Variants in ADARB2 observed in about 807,000 individuals in gnomAD.
ADARB2 encodes inactive double-stranded RNA-specific editase B2.
ADARB2 carries 25 observed loss-of-function variants against 62.2 expected under a neutral mutation model. The ratio of observed to expected loss-of-function variants is 0.40; its 90% CI spans 0.29 to 0.56. ADARB2 has a LOEUF of 0.56. Among genes scored for constraint, ADARB2 ranks in the 20% least tolerant of loss-of-function variants. The pLI is 0.43. For missense variants in ADARB2, 1,071 were observed against 1,077.4 expected, an observed-to-expected ratio of 0.99 and a Z score of 0.08; for synonymous variants, 572 against 500.8, an observed-to-expected ratio of 1.14 and a Z score of -1.90.
intron 1 of ADARB2, among the ~76,000 whole-genome samples, chr10:1,624,444 G>C (rs551102760): frequency 2.6e-5 from 4 of 152,214 alleles, no homozygotes; most frequent in East Asian, 3.9e-4. Flanking sequence ...GCTGGGAGCC[G>C]AGCACGCCCT....
intron 4 of ADARB2, among the ~76,000 whole-genome samples, chr10:1,251,877 A>C (rs528432024): frequency 6.6e-6 from 1 of 152,274 alleles, no homozygotes; most frequent in African/African-American, 2.4e-5. Context: ...CAAACGATGT[A>C]GCAACAAGGC....
intron 1 of ADARB2, among the ~76,000 whole-genome samples, chr10:1,689,985 T>G (rs7905864): frequency 0.78 from 118,717 of 152,024 alleles, 47,811 homozygotes; most frequent in South Asian, 0.9. Flanking sequence ...GGTTTTTTTG[T>G]TTTTGTTTTT....
chr10:1,662,812 G>A (rs1486239922), intron 1 of ADARB2, among the ~76,000 whole-genome samples: 2 of 152,176 alleles, frequency 1.3e-5, no homozygotes, highest in African/African-American at 2.4e-5. Context: ...AAGTTGGGGC[G>A]ACGTCTCCCA....
In ADARB2 at chr10:1,303,923, C is replaced by T. The variant is rs1406305862; in HGVS notation, c.1078-32854G>A. Among the ~76,000 whole-genome samples, 7 of 151,372 alleles carry T rather than the reference C, an allele frequency of 4.6e-5. No homozygotes were observed. In the South Asian group the frequency reaches 6.4e-4, roughly 14 times the overall value. ...CGGTACCAGCCACTGCAAAATCATGCCAAAATGTAAAGACCATTGAGACTA... is the reference window on the plus strand; with the variant it reads ...CGGTACCAGCCACTGCAAAATCATGTCAAAATGTAAAGACCATTGAGACTA... On this transcript the variant is annotated intron_variant, in intron 3 of 9. Coordinates refer to ENST00000381312, the MANE Select transcript of ADARB2 (RefSeq NM_018702.4).
At chr10:1,230,472 A>G (rs1395580478) in intron 6 of ADARB2, among the ~76,000 whole-genome samples, 2 of 152,150 alleles carry the variant, frequency 1.3e-5, no homozygotes, top group African/African-American at 2.4e-5. Flanking sequence ...CCCCTTATCC[A>G]TGGTCCAACC....
At chr10:1,437,051 C>A (rs370096463) in intron 1 of ADARB2, among the ~76,000 whole-genome samples, 15 of 152,170 alleles carry the variant, frequency 9.9e-5, no homozygotes, top group Admixed American at 5.9e-4. Flanking sequence ...CATTAAGGAA[C>A]TCTTAGAAAT....
intron 2 of ADARB2, among the ~76,000 whole-genome samples, chr10:1,371,358 A>G (rs1259648580): frequency 6.6e-6 from 1 of 152,226 alleles, no homozygotes; most frequent in Non-Finnish European, 1.5e-5. Context: ...AAAACCTAGG[A>G]AAAACTTCTG....
intron 3 of ADARB2, among the ~76,000 whole-genome samples, chr10:1,313,571 C>T (rs774066875): frequency 3.3e-5 from 5 of 152,120 alleles, no homozygotes; most frequent in Non-Finnish European, 5.9e-5. Flanking sequence ...CAGAGCCAGC[C>T]ACTGTGAGGC....
At chr10:1,530,212 C>T (rs539673133) in intron 1 of ADARB2, among the ~76,000 whole-genome samples, 12 of 152,342 alleles carry the variant, frequency 7.9e-5, no homozygotes, top group East Asian at 1.9e-4. Flanking sequence ...AGCATGCAGC[C>T]GAGTTGCCCG....
chr10:1,359,721 G>A (rs1588231365), intron 3 of ADARB2, among the ~76,000 whole-genome samples: 1 of 152,160 alleles, frequency 6.6e-6, no homozygotes, highest in African/African-American at 2.4e-5. Flanking sequence ...TCTTCCCGCC[G>A]CGGCCCTGCC....
At chr10:1,196,746 T>G (rs1836916945) in intron 8 of ADARB2, among the ~76,000 whole-genome samples, 1 of 152,306 alleles carries the variant, frequency 6.6e-6, no homozygotes, top group East Asian at 1.9e-4. Context: ...CATGAAAAGA[T>G]ATTAGGATTT....
chr10:1,321,568 G>A (rs1371148059), intron 3 of ADARB2, among the ~76,000 whole-genome samples: 1 of 152,060 alleles, frequency 6.6e-6, no homozygotes, highest in African/African-American at 2.4e-5. Flanking sequence ...TTTTTTTGTA[G>A]AGATGGGGGT....
chr10:1,706,884 G>A (rs1006904259), intron 1 of ADARB2, among the ~76,000 whole-genome samples: 2 of 152,208 alleles, frequency 1.3e-5, no homozygotes, highest in South Asian at 2.1e-4. Context: ...AGTGGTGAAC[G>A]GCAGGAAGTG....
At chr10:1,325,767 G>A (rs1052642691) in intron 3 of ADARB2, among the ~76,000 whole-genome samples, 2 of 152,112 alleles carry the variant, frequency 1.3e-5, no homozygotes, top group Non-Finnish European at 2.9e-5. Flanking sequence ...GGAAGACCAT[G>A]TGGGACGGAG....
intron 1 of ADARB2, among the ~76,000 whole-genome samples, chr10:1,548,333 T>C (rs1445644922): frequency 2.0e-5 from 3 of 152,218 alleles, no homozygotes; most frequent in Non-Finnish European, 4.4e-5. Context: ...GGTGACAATT[T>C]GTGGACTTTC....
Position 1,308,110 on chromosome 10 carries a change from C to T in ADARB2, c.1078-37041G>A, listed in dbSNP as rs181108747. 6.6e-5 allele frequency among the ~76,000 whole-genome samples: 10 copies of T among 151,966 alleles called. No homozygotes were observed. The East Asian group carries it at 1.7e-3, about 26-fold the overall frequency. Reference sequence around the variant, plus strand: ...AAAATAAATTAAAAAAAAAAAGTATCTCCCACTGTAGTACACACAGAGCAG... The same window carrying T: ...AAAATAAATTAAAAAAAAAAAGTATTTCCCACTGTAGTACACACAGAGCAG... On this transcript the variant is annotated intron_variant, in intron 3 of 9. Coordinates refer to ENST00000381312, the MANE Select transcript of ADARB2 (RefSeq NM_018702.4).
At chr10:1,643,401 T>A (rs1834001150) in intron 1 of ADARB2, among the ~76,000 whole-genome samples, 1 of 152,244 alleles carries the variant, frequency 6.6e-6, no homozygotes, top group South Asian at 2.1e-4. Flanking sequence ...AACTTCCAGT[T>A]ACACTTGACG....
intron 8 of ADARB2, among the ~76,000 whole-genome samples, chr10:1,188,956 G>A (rs548184127): frequency 1.3e-5 from 2 of 152,260 alleles, no homozygotes; most frequent in East Asian, 3.9e-4. Flanking sequence ...CTCTTCCCAC[G>A]CTGGGGCCCA....
At chr10:1,561,247 G>T (rs980681486) in intron 1 of ADARB2, among the ~76,000 whole-genome samples, 1 of 152,178 alleles carries the variant, frequency 6.6e-6, no homozygotes, top group Non-Finnish European at 1.5e-5. Flanking sequence ...GACCTGCCCA[G>T]CTCTGAGTGT....
Sources: allele counts gnomAD v4.1 joint callset (sites outside exome capture counted in the v4.1 genomes callset), GRCh38; gene constraint gnomAD v4.1.1; transcripts MANE v1.5; gene names NCBI Gene and HGNC (gene_info 2026-07-23, HGNC 2026-07-21).